The following KIAA1958 variants were observed in gnomAD, a reference collection of about 807,000 sequenced individuals.
KIAA1958 encodes KIAA1958.
A neutral mutation model predicts 47.2 loss-of-function variants in KIAA1958; 14 were observed. That is an observed-to-expected ratio of 0.30 (90% confidence interval 0.20 to 0.46). The LOEUF (loss-of-function observed/expected upper bound fraction) is 0.46. Ranked by LOEUF, KIAA1958 falls within the 20% of genes least tolerant of loss-of-function variation. The pLI, the probability that KIAA1958 is intolerant of heterozygous loss-of-function variation, is 1.00. For synonymous variants in KIAA1958, 354 were observed against 353.3 expected (o/e 1.00, Z -0.02); for missense variants, 803 against 909.2 (o/e 0.88, Z 1.50).
chr9:112,585,737 A>G (rs1835813120), intron 2 of KIAA1958, among the ~76,000 whole-genome samples: 1 of 152,214 alleles, frequency 6.6e-6, no homozygotes. Context: ...GTGACCTGTG[A>G]GTGTTTGGCC....
chr9:112,532,813 C>T (rs1834773201), intron 1 of KIAA1958, among the ~76,000 whole-genome samples: 1 of 152,194 alleles, frequency 6.6e-6, no homozygotes, highest in South Asian at 2.1e-4. Context: ...AGATGATATT[C>T]AAGAACTGTA....
chr9:112,579,983 A>G (rs1328272483), intron 2 of KIAA1958, among the ~76,000 whole-genome samples: 1 of 152,136 alleles, frequency 6.6e-6, no homozygotes, highest in East Asian at 1.9e-4. Flanking sequence ...TCCCTATTAG[A>G]TTCACCTGTT....
At chr9:112,496,550 C>CTT (rs1834054689) in intron 1 of KIAA1958, among the ~76,000 whole-genome samples, 1 of 152,180 alleles carries the variant, frequency 6.6e-6, no homozygotes, top group African/African-American at 2.4e-5. Flanking sequence ...TTATTGCTGC[C>CTT]TTTTTCCGAG....
At chr9:112,553,031 G>C (rs1453190613) in intron 1 of KIAA1958, among the ~76,000 whole-genome samples, 1 of 151,916 alleles carries the variant, frequency 6.6e-6, no homozygotes, top group Non-Finnish European at 1.5e-5. Flanking sequence ...AGATCACTTT[G>C]GTTTGAATCC....
chr9:112,540,131 A>G (rs927689967), intron 1 of KIAA1958, among the ~76,000 whole-genome samples: 16 of 152,216 alleles, frequency 1.1e-4, no homozygotes, highest in African/African-American at 3.1e-4. Flanking sequence ...TATTTTGTAA[A>G]ATAGTGACAT....
chr9:112,611,833 C>G (rs1362185390), intron 2 of KIAA1958, among the ~76,000 whole-genome samples: 3 of 151,874 alleles, frequency 2.0e-5, no homozygotes, highest in Non-Finnish European at 2.9e-5. Flanking sequence ...ATTATTAAGA[C>G]AAATTTTTAT....
At chr9:112,632,721 T>G (rs1836731434) in intron 2 of KIAA1958, among the ~76,000 whole-genome samples, 1 of 152,106 alleles carries the variant, frequency 6.6e-6, no homozygotes, top group Non-Finnish European at 1.5e-5. Flanking sequence ...TGTCCTTGGT[T>G]TATGTTTTAT....
rs551723129 is a variant in KIAA1958 at position 112,509,620 on chromosome 9, T to C, written c.-25+22502T>C. The stretch of plus-strand genomic sequence containing the variant: ...AAGTAAGGTAAGGCAAAAAGGATTA[T>C]GGATGTTGAAAAGGAAGCCATACAT... On this transcript the variant is annotated intron_variant, in intron 1 of 3. Coordinates refer to ENST00000337530, the MANE Select transcript of KIAA1958 (RefSeq NM_133465.4). 5.7e-4 allele frequency among the ~76,000 whole-genome samples: 87 copies of C among 152,268 alleles called. 1 individual carries two copies. Among genetic ancestry groups the C allele is most frequent in the African/African-American group, 2.1e-3 (87 of 41,544 alleles).
chr9:112,595,403 G>A (rs1056454887), intron 2 of KIAA1958, among the ~76,000 whole-genome samples: 2 of 152,164 alleles, frequency 1.3e-5, no homozygotes, highest in African/African-American at 4.8e-5. Flanking sequence ...GCTCACACCT[G>A]TAATCCCAGC....
intron 2 of KIAA1958, among the ~76,000 whole-genome samples, chr9:112,644,913 A>T (rs148057918): frequency 6.6e-6 from 1 of 152,180 alleles, no homozygotes; most frequent in African/African-American, 2.4e-5. Context: ...AGGTGGGTGG[A>T]TCACCTGAGG....
intron 1 of KIAA1958, among the ~76,000 whole-genome samples, chr9:112,526,209 C>T (rs1442451271): frequency 1.3e-5 from 2 of 151,394 alleles, no homozygotes; most frequent in Non-Finnish European, 2.9e-5. Flanking sequence ...CTTAGTGTCT[C>T]TCTTAGTCCG....
intron 1 of KIAA1958, among the ~76,000 whole-genome samples, chr9:112,488,940 T>C (rs1833916268): frequency 6.6e-6 from 1 of 152,260 alleles, no homozygotes; most frequent in South Asian, 2.1e-4. Flanking sequence ...GTACACACAT[T>C]ACTTAAAACC....
intron 1 of KIAA1958, among the ~76,000 whole-genome samples, chr9:112,537,642 T>C (rs1834878220): frequency 6.6e-6 from 1 of 152,204 alleles, no homozygotes; most frequent in Non-Finnish European, 1.5e-5. Flanking sequence ...TCTGATGATA[T>C]GCAAGGTTGA....
intron 1 of KIAA1958, among the ~76,000 whole-genome samples, chr9:112,566,784 CA>C (rs1835434891): frequency 6.6e-6 from 1 of 151,936 alleles, no homozygotes; most frequent in Non-Finnish European, 1.5e-5. Context: ...ATTATTAGTG[CA>C]AAAGAGAAAT....
chr9:112,645,607 G>T (rs1464174628), intron 2 of KIAA1958, 43 bp from the exon 3 acceptor site: 2 of 1,369,644 alleles, frequency 1.5e-6, no homozygotes, highest in East Asian at 2.3e-5. Context: ...CTAAAGAAGG[G>T]AATGGCAAAT....
chr9:112,595,899 C>T (rs1836019784), intron 2 of KIAA1958, among the ~76,000 whole-genome samples: 10 of 151,724 alleles, frequency 6.6e-5, no homozygotes, highest in Admixed American at 6.6e-4. Context: ...GATTCTCCTG[C>T]CTCAGCCTCC....
chr9:112,659,744 C>G lies in KIAA1958; in HGVS notation c.1826C>G (p.Ser609Cys), dbSNP rs760934727. ...DSVKRESRSG[S>C]TRVCHGKIYH... ...GTCAAGCGGGAGAGTCGGAGCGGCTCCACCAGAGTGTGTCACGGGAAGATC... is the reference window on the plus strand; with the variant it reads ...GTCAAGCGGGAGAGTCGGAGCGGCTGCACCAGAGTGTGTCACGGGAAGATC... The change falls in exon 4 of 4, where the codon TCC (serine) becomes TGC (cysteine). Residue 609 changes from serine to cysteine, a missense_variant. Around this residue, in one of 2 missense-constraint regions of KIAA1958, gnomAD observed 761 missense variants for 829.3 expected, o/e 0.92. Transcript: ENST00000337530. The G allele has an allele frequency of 2.4e-5, 39 of 1,614,046 alleles. No homozygotes were observed. Among genetic ancestry groups the G allele is most frequent in the Non-Finnish European group, 3.3e-5 (39 of 1,180,026 alleles).
chr9:112,561,114 G>A (rs1370624811), intron 1 of KIAA1958, among the ~76,000 whole-genome samples: 1 of 150,752 alleles, frequency 6.6e-6, no homozygotes, highest in Non-Finnish European at 1.5e-5. Context: ...GAGTGCAGTG[G>A]TGTGATCTTG....
intron 3 of KIAA1958, among the ~76,000 whole-genome samples, chr9:112,659,017 C>A (rs1837207652): frequency 1.9e-5 from 1 of 52,262 alleles, no homozygotes; most frequent in Non-Finnish European, 3.1e-5. Flanking sequence ...AAGACTCTGA[C>A]TCAAAAAAAA....
Sources: gnomAD v4.1 joint callset for allele counts (sites outside exome capture counted in the v4.1 genomes callset) on GRCh38, gnomAD v4.1.1 for gene constraint, gnomAD v4.1.1 regional missense constraint, MANE v1.5 for transcripts, NCBI Gene and HGNC (gene_info 2026-07-23, HGNC 2026-07-21) for gene names.